LDHD: variants seen among roughly 807,000 people sequenced by gnomAD.
LDHD encodes lactate dehydrogenase D.
In LDHD, 58 loss-of-function variants were observed where a neutral mutation model predicts 52.9. The ratio of observed to expected loss-of-function variants is 1.10; its 90% CI spans 0.89 to 1.36. The LOEUF (loss-of-function observed/expected upper bound fraction) is 1.36, where lower values mean the gene tolerates loss of function less well. Ranked by LOEUF, LDHD falls within the 40% of genes most tolerant of loss-of-function variation. The pLI is 0.00. For synonymous variants in LDHD, 350 were observed against 288.6 expected, an observed-to-expected ratio of 1.21 and a Z score of -2.16; for missense variants, 747 against 668.0, an observed-to-expected ratio of 1.12 and a Z score of -1.30.
In LDHD at chr16:75,115,614, C is replaced by G. The variant is rs760587256; in HGVS notation, c.119G>C (p.Gly40Ala). The G allele has an allele frequency of 1.9e-6, 3 of 1,612,340 alleles. No homozygotes were observed. The highest frequency in any genetic ancestry group is 2.5e-6 in the Non-Finnish European group (3 of 1,179,732). ...CGCGGCAGTGGACACGTGGGAGCCG[C>G]CCACCACGGCCTTCAGAGCCTCTAC... is the stretch of plus-strand genomic sequence containing the variant. ...DFVEALKAVV[G>A]GSHVSTAAVV... is the part of the protein sequence containing the mutation. The change falls in exon 2 of 11, where the codon GGC becomes GCC. Residue 40 changes from glycine to alanine, a missense_variant. Coordinates refer to ENST00000450168, the MANE Select transcript of LDHD (RefSeq NM_194436.3).
rs748578859 is a variant in LDHD at position 75,114,811 on chromosome 16, G to A, written c.469+16C>T. 6.8e-6 allele frequency: 11 copies of A among 1,608,418 alleles called. No homozygotes were observed. In the South Asian group the frequency reaches 1.2e-4, roughly 18 times the overall value. Reference sequence around the variant, plus strand: ...ACGGTGCCCTCAGGGTCCCAGGAAAGGTTCGCGAGTCCTACCCACGGGAAA... The same window carrying A: ...ACGGTGCCCTCAGGGTCCCAGGAAAAGTTCGCGAGTCCTACCCACGGGAAA... On this transcript the variant is annotated intron_variant, in intron 4 of 10. Coordinates refer to ENST00000450168, the MANE Select transcript of LDHD (RefSeq NM_194436.3).
Position 75,114,674 on chromosome 16 carries a change from C to A in LDHD, c.481G>T (p.Asp161Tyr). The A allele has an allele frequency of 6.5e-7, 1 of 1,533,976 alleles. No individual in the cohort carries two copies. The highest frequency in any genetic ancestry group is 8.8e-7 in the Non-Finnish European group (1 of 1,140,504). Residue 161 changes from aspartate (D) to tyrosine (Y), a missense_variant, in exon 5 of 11, where the codon GAC (aspartate) becomes TAC (tyrosine). By Grantham distance (160) the Asp-to-Tyr change is radical (BLOSUM62 -3). Transcript: ENST00000450168. ...GLWFPVDPGADASLCGMAATG... is the reference protein window; with the variant it reads ...GLWFPVDPGAYASLCGMAATG... The stretch of plus-strand genomic sequence containing the variant: ...GCCGCCATGCCACAGAGAGAGGCGT[C>A]CGCGCCTGGGTCTGGAGGGCGGCGT...
intron 1 of LDHD, among the ~76,000 whole-genome samples, chr16:75,116,352 G>T (rs2036556769): frequency 6.6e-6 from 1 of 152,190 alleles, no homozygotes; most frequent in Non-Finnish European, 1.5e-5. Context: ...CCAAGTTAAG[G>T]ACAGAGCCTG....
chr16:75,112,241 G>C lies in LDHD; in HGVS notation c.*115C>G. On this transcript the variant is annotated 3_prime_UTR_variant, in exon 11 of 11. Coordinates refer to ENST00000450168, the MANE Select transcript of LDHD (RefSeq NM_194436.3). Reference sequence around the variant, plus strand: ...CCTTGGGCCCAGATACAGTGGGCTCGCTGGCAGGAAGACTGCCTCAGCATC... The same window carrying C: ...CCTTGGGCCCAGATACAGTGGGCTCCCTGGCAGGAAGACTGCCTCAGCATC... The C allele has an allele frequency of 7.8e-7, 1 of 1,283,572 alleles. No homozygotes were observed. The highest frequency in any genetic ancestry group is 1.1e-6 in the Non-Finnish European group (1 of 929,170). 79.5% of individuals were successfully genotyped at this position (1,283,572 alleles called of 1,614,324 possible). A position where few individuals can be genotyped will look rare whatever the true frequency, so the allele number is the denominator to read the frequency against.
In LDHD at chr16:75,112,907, C is replaced by T. The variant is rs2036438963; in HGVS notation, c.1104G>A (p.Val368=). The change falls in exon 9 of 11, where the codon GTG becomes GTA. Residue 368 remains valine (V), a synonymous_variant. Transcript: ENST00000450168. The part of the protein sequence containing the change: ...RPGCKGYSTD[V]CVPISRLPEI... ...CCGGCAGCCGGGAGATGGGCACACA[C>T]ACATCCGTGGAGTAGCCCTGGTCAG... The T allele has an allele frequency of 6.2e-7, 1 of 1,612,214 alleles. No homozygotes were observed. The highest frequency in any genetic ancestry group is 1.3e-5 in the African/African-American group (1 of 75,052).
chr16:75,116,589 A>G, intron 1 of LDHD, 60 bp downstream of exon 1: 1 of 1,419,072 alleles, frequency 7.0e-7, no homozygotes. Context: ...TGGGATCAGA[A>G]CCCCCTGCTC....
intron 1 of LDHD, 132 bp downstream of exon 1, chr16:75,116,517 C>T: frequency 1.4e-6 from 1 of 717,576 alleles, no homozygotes; most frequent in South Asian, 1.6e-5. Context: ...AGGGTAAGCC[C>T]AGTGCCCTTT....
In LDHD at chr16:75,114,687, T is replaced by G. The variant is rs1240136378; in HGVS notation, c.470-2A>C. ...AGAGAGAGGCGTCCGCGCCTGGGTCTGGAGGGCGGCGTACAGAAGGCAGCC... is the reference window on the plus strand; with the variant it reads ...AGAGAGAGGCGTCCGCGCCTGGGTCGGGAGGGCGGCGTACAGAAGGCAGCC... On this transcript the variant is annotated splice_acceptor_variant, in intron 4 of 10. Transcript: ENST00000450168. LOFTEE classifies it high-confidence loss of function. 1 of 1,534,406 alleles carries G rather than the reference T, an allele frequency of 6.5e-7. No individual in the cohort carries two copies. Among genetic ancestry groups the G allele is most frequent in the Non-Finnish European group, 8.8e-7 (1 of 1,139,836 alleles).
At position 75,113,948 on chromosome 16, in the gene LDHD, C is replaced by T. The variant is rs781619498; in HGVS notation, c.829+18G>A. ...TCTTCCAGGGAGCCCACCCTGACTG[C>T]CCCCATCCTCAGCTCACCAATGCGG... On this transcript the variant is annotated intron_variant, in intron 6 of 10. Coordinates refer to ENST00000450168, the MANE Select transcript of LDHD (RefSeq NM_194436.3). The T allele has an allele frequency of 1.9e-6, 3 of 1,603,834 alleles. No individual in the cohort carries two copies. Among genetic ancestry groups the T allele is most frequent in the Non-Finnish European group, 2.6e-6 (3 of 1,174,766 alleles).
intron 1 of LDHD, 125 bp from the exon 2 acceptor site, chr16:75,115,785 T>C (rs2036542276): frequency 1.7e-6 from 1 of 596,504 alleles, no homozygotes; most frequent in Admixed American, 3.3e-5. Flanking sequence ...CCCGCCCCGC[T>C]GACAACATCC....
rs1251891891 is a variant in LDHD at position 75,112,072 on chromosome 16, C to T, written c.*284G>A. 12 of 405,036 alleles carry T rather than the reference C, an allele frequency of 3.0e-5. No homozygotes were observed. Among genetic ancestry groups the T allele is most frequent in the African/African-American group, 4.0e-5 (2 of 49,456 alleles). 25.1% of individuals were successfully genotyped at this position (405,036 alleles called of 1,614,324 possible). A position where few individuals can be genotyped will look rare whatever the true frequency, so the allele number is the denominator to read the frequency against. Reference sequence around the variant, plus strand: ...TGAATGGACCCAGACGCTCTCTTCCCGCCAGGACAGGATGCGTAGGAGCAG... The same window carrying T: ...TGAATGGACCCAGACGCTCTCTTCCTGCCAGGACAGGATGCGTAGGAGCAG... On this transcript the variant is annotated 3_prime_UTR_variant, in exon 11 of 11. Transcript: ENST00000450168.
At chr16:75,116,261 G>A (rs1034442625) in intron 1 of LDHD, among the ~76,000 whole-genome samples, 1 of 152,196 alleles carries the variant, frequency 6.6e-6, no homozygotes, top group African/African-American at 2.4e-5. Context: ...GTTGCCTGGG[G>A]CTTCTGGGCC....
chr16:75,116,601 C>G (rs1432893765), intron 1 of LDHD, 48 bp downstream of exon 1: 1 of 1,515,138 alleles, frequency 6.6e-7, no homozygotes. Flanking sequence ...CCCCTGCTCC[C>G]CGCTCCCCAC....
At position 75,114,145 on chromosome 16, in the gene LDHD, T is replaced by C. The variant is rs536107770; in HGVS notation, c.650A>G (p.Asn217Ser). 4 of 1,612,602 alleles carry C rather than the reference T, an allele frequency of 2.5e-6. No homozygotes were observed. The highest frequency in any genetic ancestry group is 2.2e-5 in the East Asian group (1 of 44,842). Residue 217 changes from asparagine to serine, a missense_variant, in exon 6 of 11, where the codon AAC (asparagine) becomes AGC (serine). Physicochemically the swap from Asn to Ser is conservative, Grantham distance 46 (BLOSUM62 1). Transcript: ENST00000450168. ...GGAGCCCACGAAGAGCCCCGTGAGG[T>C]TGTAGCCGGCTGCACTCTTCCTACG... ...RHFRKSAAGY[N>S]LTGLFVGSEG...
chr16:75,112,237 G>C lies in LDHD; in HGVS notation c.*119C>G. The C allele has an allele frequency of 1.6e-6, 2 of 1,240,846 alleles. No individual in the cohort carries two copies. 76.9% of individuals were successfully genotyped at this position (1,240,846 alleles called of 1,614,324 possible). On this transcript the variant is annotated 3_prime_UTR_variant, in exon 11 of 11. Transcript: ENST00000450168. ...CTGGCCTTGGGCCCAGATACAGTGG[G>C]CTCGCTGGCAGGAAGACTGCCTCAG... is the stretch of plus-strand genomic sequence containing the variant.
Position 75,116,654 on chromosome 16 carries a change from C to T in LDHD, c.67G>A (p.Ala23Thr). The change falls in exon 1 of 11, where the codon GCA (alanine) becomes ACA (threonine). Residue 23 changes from alanine to threonine, a missense_variant. Transcript: ENST00000450168. Reference protein sequence around the residue: ...FPWRGYCSQKAKGELCRDFVE... With the variant: ...FPWRGYCSQKTKGELCRDFVE... ...CTTCTCTTCTCTCCCGGTACCTTTGCCTTCTGGGAGCAGTAGCCCCTCCAG... is the reference window on the plus strand; with the variant it reads ...CTTCTCTTCTCTCCCGGTACCTTTGTCTTCTGGGAGCAGTAGCCCCTCCAG... 3.1e-6 allele frequency: 5 copies of T among 1,604,978 alleles called. No individual in the cohort carries two copies. Among genetic ancestry groups the T allele is most frequent in the Non-Finnish European group, 4.3e-6 (5 of 1,176,132 alleles).
At chr16:75,113,388 T>G (rs1485852524) in intron 8 of LDHD, 147 bp downstream of exon 8, 1 of 956,222 alleles carries the variant, frequency 1.0e-6, no homozygotes, top group African/African-American at 1.6e-5. Flanking sequence ...TGGGGCGGTC[T>G]GCAGCCCTTG....
chr16:75,114,423 C>G, intron 5 of LDHD, 103 bp downstream of exon 5: 1 of 1,382,210 alleles, frequency 7.2e-7, no homozygotes, highest in South Asian at 1.5e-5. Flanking sequence ...GCCTGCCAAA[C>G]CAGGGGGCCG....
rs2036500807 is a variant in LDHD at position 75,114,679 on chromosome 16, C to G, written c.476G>C (p.Gly159Ala). 6.5e-7 allele frequency: 1 copy of G among 1,535,678 alleles called. No homozygotes were observed. The highest frequency in any genetic ancestry group is 8.8e-7 in the Non-Finnish European group (1 of 1,140,930). ...DSGLWFPVDP[G>A]ADASLCGMAA... ...CATGCCACAGAGAGAGGCGTCCGCG[C>G]CTGGGTCTGGAGGGCGGCGTACAGA... is the stretch of plus-strand genomic sequence containing the variant. Residue 159 changes from glycine (G) to alanine (A), a missense_variant, in exon 5 of 11, where the codon GGC becomes GCC. By Grantham distance (60) the Gly-to-Ala change is moderately conservative (BLOSUM62 0). Coordinates refer to ENST00000450168, the MANE Select transcript of LDHD (RefSeq NM_194436.3).
Sources: gnomAD v4.1 joint callset for allele counts (sites outside exome capture counted in the v4.1 genomes callset) on GRCh38, gnomAD v4.1.1 for gene constraint, MANE v1.5 for transcripts, NCBI Gene and HGNC (gene_info 2026-07-23, HGNC 2026-07-21) for gene names.